CNTNAP2: variants seen among roughly 807,000 people sequenced by gnomAD.
The protein encoded by CNTNAP2 is contactin associated protein 2, also known as contactin-associated protein-like 2.
A neutral mutation model predicts 155.2 loss-of-function variants in CNTNAP2; 98 were observed. That is an observed-to-expected ratio of 0.63 (90% CI 0.54 to 0.75). CNTNAP2 has a LOEUF of 0.75. CNTNAP2 is among the 30% of genes least tolerant of loss of function. The pLI is 0.00. For synonymous variants in CNTNAP2, 651 were observed against 631.2 expected, an observed-to-expected ratio of 1.03 and a Z score of -0.47; for missense variants, 1,727 against 1,688.1, an observed-to-expected ratio of 1.02 and a Z score of -0.40.
At chr7:146,243,953 C>T (rs762029184) in intron 1 of CNTNAP2, among the ~76,000 whole-genome samples, 27 of 151,954 alleles carry the variant, frequency 1.8e-4, no homozygotes, top group African/African-American at 2.4e-4. Context: ...GGATTAGGGG[C>T]GGTGTGGGAA....
intron 13 of CNTNAP2, among the ~76,000 whole-genome samples, chr7:147,724,764 C>T (rs1437044664): frequency 6.6e-6 from 1 of 151,948 alleles, no homozygotes; most frequent in African/African-American, 2.4e-5. Context: ...GTCTTGCTCA[C>T]CTTTTAAGGA....
At position 146,857,218 on chromosome 7, in the gene CNTNAP2, A is replaced by G. The variant is rs973799513; in HGVS notation, c.402+17314A>G. Among the ~76,000 whole-genome samples the G allele has an allele frequency of 3.5e-5, 5 of 143,438 alleles. No individual in the cohort carries two copies. The East Asian group carries it at 7.8e-4, about 22-fold the overall frequency. The allele number at this position is 143,438 out of a possible 152,430, so 94.1% of individuals were successfully genotyped here. ...GGAAAAAGGAGAGAGAAGGAGAGGG[A>G]GAGAGAGAGAGAGAGAGAATGATAA... is the stretch of plus-strand genomic sequence containing the variant. On this transcript the variant is annotated intron_variant, in intron 3 of 23. Transcript: ENST00000361727.
chr7:148,029,933 T>A (rs760350582), intron 15 of CNTNAP2, among the ~76,000 whole-genome samples: 1 of 152,224 alleles, frequency 6.6e-6, no homozygotes, highest in Non-Finnish European at 1.5e-5. Flanking sequence ...AACAGGGAGA[T>A]GTTCTAAGTG....
intron 21 of CNTNAP2, among the ~76,000 whole-genome samples, chr7:148,350,870 A>G (rs1798414372): frequency 6.6e-6 from 1 of 152,192 alleles, no homozygotes; most frequent in South Asian, 2.1e-4. Flanking sequence ...AGGTGTCCCC[A>G]GCCCTTTTGT....
At chr7:146,431,626 T>G (rs1008036351) in intron 1 of CNTNAP2, among the ~76,000 whole-genome samples, 3 of 152,080 alleles carry the variant, frequency 2.0e-5, no homozygotes. Context: ...TGAGTTAAGT[T>G]GTATTACCAT....
At chr7:146,642,127 GTTTTTTATTTTTTTA>G (rs1799718970) in intron 1 of CNTNAP2, among the ~76,000 whole-genome samples, 1 of 151,262 alleles carries the variant, frequency 6.6e-6, no homozygotes, top group African/African-American at 2.4e-5. Context: ...TTTTGTTTTG[GTTTTTTATTTTTTTA>G]TTTTTTATTT....
chr7:148,200,658 C>G (rs985005704), intron 18 of CNTNAP2, among the ~76,000 whole-genome samples: 1 of 152,146 alleles, frequency 6.6e-6, no homozygotes, highest in Non-Finnish European at 1.5e-5. Context: ...TCAAAATACA[C>G]CTACGATGCT....
intron 1 of CNTNAP2, among the ~76,000 whole-genome samples, chr7:146,394,763 T>C (rs548311905): frequency 6.6e-6 from 1 of 152,278 alleles, no homozygotes; most frequent in South Asian, 2.1e-4. Context: ...TTTCTTTTTA[T>C]AGATTTGGAG....
At chr7:146,957,727 A>G (rs1275498516) in intron 3 of CNTNAP2, among the ~76,000 whole-genome samples, 1 of 152,164 alleles carries the variant, frequency 6.6e-6, no homozygotes, top group East Asian at 1.9e-4. Context: ...TTCAGATTGC[A>G]TGCCTGTATC....
Position 147,063,895 on chromosome 7 carries a change from T to C in CNTNAP2, c.550+19841T>C, listed in dbSNP as rs191083058. 7.9e-5 allele frequency among the ~76,000 whole-genome samples: 12 copies of C among 152,278 alleles called. No homozygotes were observed. In the East Asian group the frequency reaches 2.3e-3, roughly 29 times the overall value. Reference sequence around the variant, plus strand: ...CTTATCTAGTCACAGTTTCAATTTCTCACAATTGTATGATCATTTTGACAT... The same window carrying C: ...CTTATCTAGTCACAGTTTCAATTTCCCACAATTGTATGATCATTTTGACAT... On this transcript the variant is annotated intron_variant, in intron 4 of 23. Coordinates refer to ENST00000361727, the MANE Select transcript of CNTNAP2 (RefSeq NM_014141.6).
Position 147,816,877 on chromosome 7 carries a change from G to A in CNTNAP2, c.2099-86688G>A, listed in dbSNP as rs118050435. On this transcript the variant is annotated intron_variant, in intron 13 of 23. Transcript: ENST00000361727. ...AAATATTAAAAAGAACTAGACAATAGAGGGACTAGGTTTTCATTATAACTA... is the reference window on the plus strand; with the variant it reads ...AAATATTAAAAAGAACTAGACAATAAAGGGACTAGGTTTTCATTATAACTA... Among the ~76,000 whole-genome samples the A allele has an allele frequency of 6.6e-5, 10 of 152,260 alleles. No homozygotes were observed. The East Asian group carries it at 1.7e-3, about 26-fold the overall frequency.
chr7:147,998,258 C>T (rs1801842195), intron 15 of CNTNAP2, among the ~76,000 whole-genome samples: 1 of 151,744 alleles, frequency 6.6e-6, no homozygotes, highest in Non-Finnish European at 1.5e-5. Context: ...ATTACAGGCG[C>T]CCGCCACCAC....
chr7:148,367,378 A>C (rs1288074289), intron 21 of CNTNAP2, among the ~76,000 whole-genome samples: 2 of 152,236 alleles, frequency 1.3e-5, no homozygotes, highest in Non-Finnish European at 2.9e-5. Context: ...TGAACTGTTA[A>C]GTCAAAGGAA....
intron 13 of CNTNAP2, among the ~76,000 whole-genome samples, chr7:147,734,018 G>T (rs113317021): frequency 0.31 from 47,270 of 152,022 alleles, 8,981 homozygotes; most frequent in East Asian, 0.71. Context: ...TCTTTCTCCT[G>T]CCTGACTGCC....
intron 2 of CNTNAP2, among the ~76,000 whole-genome samples, chr7:146,832,132 C>G (rs893912927): frequency 6.6e-6 from 1 of 152,092 alleles, no homozygotes; most frequent in Non-Finnish European, 1.5e-5. Context: ...ATGTTTATCC[C>G]CCACTGCAAA....
intron 14 of CNTNAP2, among the ~76,000 whole-genome samples, chr7:147,963,104 G>T (rs1585050922): frequency 6.6e-6 from 1 of 152,000 alleles, no homozygotes; most frequent in Non-Finnish European, 1.5e-5. Flanking sequence ...GCTACAAAAT[G>T]ACATAATCTT....
intron 1 of CNTNAP2, among the ~76,000 whole-genome samples, chr7:146,199,745 A>T (rs1397313141): frequency 6.6e-6 from 1 of 152,160 alleles, no homozygotes; most frequent in Non-Finnish European, 1.5e-5. Flanking sequence ...AGAAGGAAAA[A>T]ATTGAAGATG....
chr7:147,951,622 G>A (rs1800931416), intron 14 of CNTNAP2, among the ~76,000 whole-genome samples: 1 of 152,120 alleles, frequency 6.6e-6, no homozygotes, highest in African/African-American at 2.4e-5. Context: ...AAATCAAAGA[G>A]CAGTTCATAA....
intron 16 of CNTNAP2, among the ~76,000 whole-genome samples, chr7:148,143,768 G>C (rs77441200): frequency 6.6e-6 from 1 of 152,166 alleles, no homozygotes; most frequent in Non-Finnish European, 1.5e-5. Flanking sequence ...CTGTATCTCT[G>C]ACATTTGTGA....
Sources: allele counts gnomAD v4.1 joint callset (sites outside exome capture counted in the v4.1 genomes callset), GRCh38; gene constraint gnomAD v4.1.1; transcripts MANE v1.5; gene names NCBI Gene and HGNC (gene_info 2026-07-23, HGNC 2026-07-21).